The following PIEZO2 variants were observed in gnomAD, a reference collection of about 807,000 sequenced individuals.
PIEZO2 encodes the protein piezo type mechanosensitive ion channel component 2.
In PIEZO2, 172 loss-of-function variants were observed where a neutral mutation model predicts 337.3. The ratio of observed to expected loss-of-function variants is 0.51; its 90% CI spans 0.45 to 0.58. The LOEUF is 0.58. PIEZO2 is among the 20% of genes least tolerant of loss of function. PIEZO2 has a pLI of 0.00. For synonymous variants in PIEZO2, 1,251 were observed against 1,228.5 expected, an observed-to-expected ratio of 1.02 and a Z score of -0.38; for missense variants, 3,028 against 3,391.3, an observed-to-expected ratio of 0.89 and a Z score of 2.66.
At chr18:10,758,387 G>A (rs1227426971) in intron 26 of PIEZO2, among the ~76,000 whole-genome samples, 1 of 152,156 alleles carries the variant, frequency 6.6e-6, no homozygotes, top group Non-Finnish European at 1.5e-5. Context: ...TTTGCACATC[G>A]GTGAGAGAAA....
intron 9 of PIEZO2, among the ~76,000 whole-genome samples, chr18:10,801,758 T>A (rs2039823892): frequency 6.6e-6 from 1 of 152,188 alleles, no homozygotes; most frequent in African/African-American, 2.4e-5. Flanking sequence ...GAATTCTGAA[T>A]GTATTTATGT....
chr18:10,780,243 T>C, intron 18 of PIEZO2, 82 bp downstream of exon 18: 1 of 692,994 alleles, frequency 1.4e-6, no homozygotes. Flanking sequence ...AACACGATTT[T>C]CATGTATAAA....
intron 3 of PIEZO2, among the ~76,000 whole-genome samples, chr18:10,914,647 C>T (rs540802428): frequency 1.3e-5 from 2 of 152,126 alleles, no homozygotes; most frequent in South Asian, 2.1e-4. Context: ...GGTGCAGAAC[C>T]CATGGATACG....
Position 10,724,907 on chromosome 18 carries a change from T to G in PIEZO2, c.5029+6500A>C. ...ACTGGCCGGCGGGGGCGTGGCACCC[T>G]GGGACAGCCTCCACCTGGACGGCGA... On this transcript the variant is annotated intron_variant, in intron 36 of 55. Transcript: ENST00000674853. The surrounding 1 kb of genome is among the most constrained non-coding windows in gnomAD (Gnocchi z 5.8). The G allele has an allele frequency of 6.2e-7, 1 of 1,609,272 alleles. No homozygotes were observed. Among genetic ancestry groups the G allele is most frequent in the Non-Finnish European group, 8.5e-7 (1 of 1,178,096 alleles).
chr18:11,051,195 T>C (rs1337710440), intron 2 of PIEZO2, among the ~76,000 whole-genome samples: 2 of 152,146 alleles, frequency 1.3e-5, no homozygotes, highest in East Asian at 3.9e-4. Context: ...TCTGCCACTG[T>C]GGGGTTTTGT....
intron 33 of PIEZO2, 76 bp from the exon 34 acceptor site, chr18:10,736,786 C>A: frequency 7.0e-7 from 1 of 1,437,232 alleles, no homozygotes; most frequent in Non-Finnish European, 9.3e-7. Flanking sequence ...GAAATGTCCC[C>A]TAAAGATACA....
intron 4 of PIEZO2, among the ~76,000 whole-genome samples, chr18:10,884,374 C>T (rs1277022367): frequency 6.6e-6 from 1 of 152,122 alleles, no homozygotes; most frequent in Non-Finnish European, 1.5e-5. Flanking sequence ...TTCTTACTTA[C>T]TTTCTGTGTG....
At chr18:10,693,335 T>C (rs2034934037) in intron 47 of PIEZO2, among the ~76,000 whole-genome samples, 1 of 148,954 alleles carries the variant, frequency 6.7e-6, no homozygotes, top group African/African-American at 2.5e-5. Flanking sequence ...TGGTTTTGCT[T>C]CTTGCTTTCC....
Position 11,083,773 on chromosome 18 carries a change from T to C in PIEZO2, c.65-17551A>G, listed in dbSNP as rs2038828329. ...TCCGAGGCTAGAGGCACAACTAAGG[T>C]TCAAGGAACAGGAAAGCTTCCATGT... On this transcript the variant is annotated intron_variant, in intron 1 of 55. Transcript: ENST00000674853. The surrounding 1 kb of genome is among the most constrained non-coding windows in gnomAD (Gnocchi z 4.4). 6.6e-6 allele frequency among the ~76,000 whole-genome samples: 1 copy of C among 152,196 alleles called. No individual in the cohort carries two copies.
At position 11,115,682 on chromosome 18, in the gene PIEZO2, G is replaced by C. The variant is rs78862069; in HGVS notation, c.64+32843C>G. ...TTCAGAGTCCAAAATACTGCAAGAA[G>C]CATTCTATACTTTAAGAAAATGCTA... On this transcript the variant is annotated intron_variant, in intron 1 of 55. Transcript: ENST00000674853. Among the ~76,000 whole-genome samples the C allele has an allele frequency of 7.1e-3, 1,084 of 152,216 alleles. 13 individuals carry two copies. The highest frequency in any genetic ancestry group is 0.024 in the African/African-American group (1,009 of 41,524).
intron 7 of PIEZO2, among the ~76,000 whole-genome samples, chr18:10,809,772 A>G (rs1370417698): frequency 1.3e-5 from 2 of 152,100 alleles, no homozygotes; most frequent in Non-Finnish European, 2.9e-5. Context: ...AGAAACTGAT[A>G]CTATTGCACC....
At chr18:11,064,103 A>C (rs2038067920) in intron 2 of PIEZO2, among the ~76,000 whole-genome samples, 1 of 152,158 alleles carries the variant, frequency 6.6e-6, no homozygotes, top group East Asian at 1.9e-4. Context: ...GTTGGGCCAC[A>C]CTCAAAACTG....
intron 1 of PIEZO2, among the ~76,000 whole-genome samples, chr18:11,139,647 A>T (rs1218255510): frequency 6.6e-6 from 1 of 152,204 alleles, no homozygotes; most frequent in Non-Finnish European, 1.5e-5. Context: ...CTTTCCACAG[A>T]TATTTACACT....
intron 1 of PIEZO2, among the ~76,000 whole-genome samples, chr18:11,086,384 G>C (rs988282579): frequency 6.6e-6 from 1 of 151,648 alleles, no homozygotes; most frequent in East Asian, 1.9e-4. Context: ...GCCGGGCGTG[G>C]TGCGGGCGCC....
chr18:10,957,350 T>C (rs1278393902), intron 3 of PIEZO2, among the ~76,000 whole-genome samples: 2 of 151,698 alleles, frequency 1.3e-5, no homozygotes, highest in Non-Finnish European at 2.9e-5. Flanking sequence ...TGAGCCAAGA[T>C]TGTGCCACTG....
At chr18:11,052,086 T>C (rs975807015) in intron 2 of PIEZO2, among the ~76,000 whole-genome samples, 5 of 152,234 alleles carry the variant, frequency 3.3e-5, no homozygotes, top group African/African-American at 9.6e-5. Context: ...TTCATAATTT[T>C]TTTTTTTCAT....
In PIEZO2 at chr18:10,945,890, A is replaced by T. The variant is rs2032994518; in HGVS notation, c.286+33645T>A. The stretch of plus-strand genomic sequence containing the variant: ...GAAATTGAAAACACACTGAATGGGG[A>T]TTAAAAGCAGATTAGACACTGCAAA... On this transcript the variant is annotated intron_variant, in intron 3 of 55. Coordinates refer to ENST00000674853, the MANE Select transcript of PIEZO2 (RefSeq NM_001378183.1). This position sits in a 1 kb window ranked among gnomAD's most constrained non-coding sequence, Gnocchi z 4.0. 6.6e-6 allele frequency among the ~76,000 whole-genome samples: 1 copy of T among 152,224 alleles called. No homozygotes were observed. Among genetic ancestry groups the T allele is most frequent in the Admixed American group, 6.5e-5 (1 of 15,280 alleles).
chr18:10,905,426 A>G (rs2043150866), intron 4 of PIEZO2, among the ~76,000 whole-genome samples: 1 of 152,046 alleles, frequency 6.6e-6, no homozygotes, highest in African/African-American at 2.4e-5. Context: ...CCTACTAAAA[A>G]TACAAAATTA....
rs530912041 is a variant in PIEZO2, at chr18:11,112,055, C to G, written c.64+36470G>C. On this transcript the variant is annotated intron_variant, in intron 1 of 55. Coordinates refer to ENST00000674853, the MANE Select transcript of PIEZO2 (RefSeq NM_001378183.1). This position sits in a 1 kb window ranked among gnomAD's most constrained non-coding sequence, Gnocchi z 4.3. Reference sequence around the variant, plus strand: ...TTTATATTAATAAAGAACTTCACAGCTGAAAGGATTTTAAGACTTTTTAGA... The same window carrying G: ...TTTATATTAATAAAGAACTTCACAGGTGAAAGGATTTTAAGACTTTTTAGA... 2.0e-5 allele frequency among the ~76,000 whole-genome samples: 3 copies of G among 152,246 alleles called. No individual in the cohort carries two copies. In the South Asian group the frequency reaches 6.2e-4, roughly 32 times the overall value.
Sources: gnomAD v4.1 joint callset for allele counts (sites outside exome capture counted in the v4.1 genomes callset) on GRCh38, gnomAD v4.1.1 for gene constraint, Gnocchi (gnomAD v3.1) non-coding constraint, MANE v1.5 for transcripts, NCBI Gene and HGNC (gene_info 2026-07-23, HGNC 2026-07-21) for gene names.